GABRG3: variants seen among roughly 807,000 people sequenced by gnomAD.
GABRG3 encodes gamma-aminobutyric acid type A receptor subunit gamma3.
In GABRG3, 25 loss-of-function variants were observed where a neutral mutation model predicts 48.8. The observed-to-expected ratio is 0.51, with a 90% CI of 0.37 to 0.72. The LOEUF is 0.72. Ranked by LOEUF, GABRG3 falls within the 30% of genes least tolerant of loss-of-function variation. The pLI is 0.00. For missense variants in GABRG3, 394 were observed against 577.9 expected (o/e 0.68, Z 3.26); for synonymous variants, 227 against 217.6 (o/e 1.04, Z -0.38).
chr15:27,036,391 G>T (rs1487662709), intron 3 of GABRG3, among the ~76,000 whole-genome samples: 1 of 152,152 alleles, frequency 6.6e-6, no homozygotes, highest in Non-Finnish European at 1.5e-5. Flanking sequence ...ATTGTGTAAC[G>T]TGTTTCACTT....
rs111303678 is a variant in GABRG3, at chr15:27,173,799, T to A, written c.270+146978T>A. 7.2e-4 allele frequency among the ~76,000 whole-genome samples: 110 copies of A among 152,070 alleles called. 2 individuals carry two copies. The highest frequency in any genetic ancestry group is 2.6e-3 in the African/African-American group (106 of 41,478). Reference sequence around the variant, plus strand: ...CAGGAGGCTGAGGCAGGAGCATCAGTTGAGCCCAAGAATTAGAAGTTACAG... The same window carrying A: ...CAGGAGGCTGAGGCAGGAGCATCAGATGAGCCCAAGAATTAGAAGTTACAG... On this transcript the variant is annotated intron_variant, in intron 3 of 9. Transcript: ENST00000615808.
intron 3 of GABRG3, among the ~76,000 whole-genome samples, chr15:27,278,018 A>G (rs1891310663): frequency 6.6e-6 from 1 of 151,914 alleles, no homozygotes; most frequent in Non-Finnish European, 1.5e-5. Context: ...CCAGCTTTAT[A>G]CACACGCATC....
chr15:27,169,880 C>G (rs1055725049), intron 3 of GABRG3, among the ~76,000 whole-genome samples: 2 of 152,122 alleles, frequency 1.3e-5, no homozygotes, highest in African/African-American at 4.8e-5. Context: ...ATCACAGATA[C>G]TGCAGACCAA....
chr15:27,514,780 A>G (rs571760038), intron 6 of GABRG3, among the ~76,000 whole-genome samples: 2 of 152,344 alleles, frequency 1.3e-5, no homozygotes, highest in East Asian at 1.9e-4. Flanking sequence ...ATCAAAATGC[A>G]CACACAGATT....
In GABRG3 at chr15:27,541,237, T is replaced by A. The variant is rs1294697652; in HGVS notation, c.*8356T>A. 4 of 152,224 alleles carry A rather than the reference T, an allele frequency of 2.6e-5. No homozygotes were observed. Among genetic ancestry groups the A allele is most frequent in the African/African-American group, 9.7e-5 (4 of 41,446 alleles). The allele number at this position is 152,224 out of a possible 1,614,324, so 9.4% of individuals were successfully genotyped here. ...GATCATTCGTGCATTCTGGTCAAGTTGACCCGATAAGCCAAAAGTACTTTT... is the reference window on the plus strand; with the variant it reads ...GATCATTCGTGCATTCTGGTCAAGTAGACCCGATAAGCCAAAAGTACTTTT... On this transcript the variant is annotated 3_prime_UTR_variant, in exon 10 of 10. Transcript: ENST00000615808.
intron 3 of GABRG3, among the ~76,000 whole-genome samples, chr15:27,040,304 G>A (rs1566917319): frequency 6.6e-6 from 1 of 152,350 alleles, no homozygotes; most frequent in Middle Eastern, 3.4e-3. Flanking sequence ...TACAGAGCAG[G>A]CAAATCAAAT....
chr15:27,273,491 G>A (rs752285165), intron 3 of GABRG3, among the ~76,000 whole-genome samples: 6 of 152,184 alleles, frequency 3.9e-5, no homozygotes, highest in Admixed American at 6.5e-5. Context: ...AAACCAGGTC[G>A]AGTCTGTCTT....
At chr15:27,226,629 C>T (rs74004732) in intron 3 of GABRG3, among the ~76,000 whole-genome samples, 3,089 of 151,854 alleles carry the variant, frequency 0.02, 122 homozygotes, top group African/African-American at 0.072. Context: ...ACCGGTGCTT[C>T]CCCCAGCAAA....
At chr15:27,206,239 C>T (rs1477197797) in intron 3 of GABRG3, among the ~76,000 whole-genome samples, 1 of 152,152 alleles carries the variant, frequency 6.6e-6, no homozygotes, top group Non-Finnish European at 1.5e-5. Flanking sequence ...TCCCAGAGAT[C>T]TGGCATGTTG....
At chr15:27,020,445 T>G (rs1290821531) in intron 2 of GABRG3, among the ~76,000 whole-genome samples, 2 of 152,248 alleles carry the variant, frequency 1.3e-5, no homozygotes, top group South Asian at 4.1e-4. Flanking sequence ...GGAGTCTCGC[T>G]CTTTCGCCCA....
At chr15:27,111,537 G>A (rs1490527054) in intron 3 of GABRG3, among the ~76,000 whole-genome samples, 1 of 152,142 alleles carries the variant, frequency 6.6e-6, no homozygotes, top group Admixed American at 6.5e-5. Flanking sequence ...GCTGGCAGCG[G>A]GCTTTGTTTC....
At chr15:27,514,511 A>G (rs1297750087) in intron 6 of GABRG3, among the ~76,000 whole-genome samples, 1 of 152,246 alleles carries the variant, frequency 6.6e-6, no homozygotes, top group Non-Finnish European at 1.5e-5. Context: ...CACCTGATTA[A>G]GTCAGGGCCA....
At chr15:27,202,053 T>C (rs545800696) in intron 3 of GABRG3, among the ~76,000 whole-genome samples, 2 of 152,296 alleles carry the variant, frequency 1.3e-5, no homozygotes, top group East Asian at 3.9e-4. Flanking sequence ...TTCATTTTGC[T>C]ATCACCTTTT....
At chr15:27,420,727 T>C (rs1217440447) in intron 5 of GABRG3, 1 of 152,168 alleles carries the variant, frequency 6.6e-6, no homozygotes, top group African/African-American at 2.4e-5. Context: ...TGGTAAGAAG[T>C]TGGTGATTAT....
At chr15:27,486,529 A>G (rs551735448) in intron 6 of GABRG3, among the ~76,000 whole-genome samples, 7 of 152,306 alleles carry the variant, frequency 4.6e-5, no homozygotes, top group African/African-American at 1.7e-4. Context: ...TAAAAAATAC[A>G]TATATTTCCT....
At chr15:27,134,342 A>C (rs1897970262) in intron 3 of GABRG3, among the ~76,000 whole-genome samples, 1 of 151,920 alleles carries the variant, frequency 6.6e-6, no homozygotes. Flanking sequence ...AGTTCCAGCC[A>C]CTCCTTGTCC....
intron 5 of GABRG3, among the ~76,000 whole-genome samples, chr15:27,478,162 TTTACA>T (rs1398485331): frequency 1.3e-5 from 2 of 152,104 alleles, no homozygotes; most frequent in Admixed American, 6.5e-5. Context: ...AATGATACAC[TTTACA>T]TTATGTGTAT....
chr15:27,294,406 A>T (rs1891907800), intron 3 of GABRG3, among the ~76,000 whole-genome samples: 1 of 151,904 alleles, frequency 6.6e-6, no homozygotes, highest in Non-Finnish European at 1.5e-5. Context: ...TGGGTGAGAC[A>T]GCATTTAGCC....
chr15:27,183,706 G>A (rs916354723), intron 3 of GABRG3, among the ~76,000 whole-genome samples: 4 of 152,196 alleles, frequency 2.6e-5, no homozygotes, highest in Non-Finnish European at 5.9e-5. Context: ...TATGCAAGAG[G>A]AATTTTTCCC....
Sources: gnomAD v4.1 joint callset for allele counts (sites outside exome capture counted in the v4.1 genomes callset) on GRCh38, gnomAD v4.1.1 for gene constraint, MANE v1.5 for transcripts, NCBI Gene and HGNC (gene_info 2026-07-23, HGNC 2026-07-21) for gene names.